Variants in CTDP1 observed in about 807,000 individuals in gnomAD.
The protein encoded by CTDP1 is CTD phosphatase 1.
CTDP1 carries 47 observed loss-of-function variants against 91.8 expected under a neutral mutation model. The observed-to-expected ratio is 0.51, with a 90% CI of 0.41 to 0.65. The LOEUF (loss-of-function observed/expected upper bound fraction) is 0.65. CTDP1 is among the 30% of genes least tolerant of loss of function. The probability of loss-of-function intolerance (pLI) is 0.00; values close to 1 mark genes in which losing one functional copy is unlikely to be tolerated. For missense variants in CTDP1, 1,272 were observed against 1,373.7 expected (o/e 0.93, Z 1.17); for synonymous variants, 656 against 598.5 (o/e 1.10, Z -1.40).
rs762854862 is a variant in CTDP1, at chr18:79,713,639, A to G, written c.1030+501A>G. Among the ~76,000 whole-genome samples, 8 of 152,196 alleles carry G rather than the reference A, an allele frequency of 5.3e-5. No individual in the cohort carries two copies. The highest frequency in any genetic ancestry group is 7.3e-5 in the Non-Finnish European group (5 of 68,030). On this transcript the variant is annotated intron_variant, in intron 7 of 12. Transcript: ENST00000613122. The surrounding 1 kb of genome is among the most constrained non-coding windows in gnomAD (Gnocchi z 4.7). ...GAAAGTTAAGTGTTTTTTGATCTTT[A>G]GTTTTTTGAAAAATATTTTGAGGCA... is the stretch of plus-strand genomic sequence containing the variant.
rs952770102 is a variant in CTDP1, at chr18:79,720,202, G to A, written c.2417+2186G>A. Among the ~76,000 whole-genome samples the A allele has an allele frequency of 6.5e-5, 9 of 138,320 alleles. No homozygotes were observed. In the South Asian group the frequency reaches 9.8e-4, roughly 15 times the overall value. The allele number at this position is 138,320 out of a possible 152,430, so 90.7% of individuals were successfully genotyped here. On this transcript the variant is annotated intron_variant, in intron 10 of 12. Transcript: ENST00000613122. ...CCTGGTGACGATGTCATCTCCTGTC[G>A]TTAGGAAGGCGTCCTGGTGATGCTG... is the stretch of plus-strand genomic sequence containing the variant.
rs1268091561 is a variant in CTDP1, at chr18:79,679,981, G to C, written c.34G>C (p.Glu12Gln). ...EVPAAGRVPAEGAPTAAVAEV... is the reference protein window; with the variant it reads ...EVPAAGRVPAQGAPTAAVAEV... ...GCCGGCCGCGGGTCGCGTTCCTGCC[G>C]AGGGCGCCCCGACGGCGGCTGTGGC... The change falls in exon 1 of 13, where the codon GAG becomes CAG. Residue 12 changes from glutamate (E) to glutamine (Q), a missense_variant. By Grantham distance (29) the Glu-to-Gln change is conservative. Around this residue, in one of 3 missense-constraint regions of CTDP1, gnomAD observed 214 missense variants for 179.1 expected, o/e 1.19. Transcript: ENST00000613122. 5 of 1,354,918 alleles carry C rather than the reference G, an allele frequency of 3.7e-6. No individual in the cohort carries two copies. Among genetic ancestry groups the C allele is most frequent in the Non-Finnish European group, 4.8e-6 (5 of 1,050,706 alleles). 83.9% of individuals were successfully genotyped at this position (1,354,918 alleles called of 1,614,324 possible).
intron 10 of CTDP1, among the ~76,000 whole-genome samples, chr18:79,719,199 GTT>G (rs552643203): frequency 2.0e-5 from 3 of 152,350 alleles, no homozygotes; most frequent in African/African-American, 7.2e-5. Context: ...CATAGATTGT[GTT>G]TTGTCTTTTA....
intron 10 of CTDP1, 97 bp downstream of exon 10, chr18:79,718,113 G>C: frequency 1.4e-6 from 2 of 1,435,634 alleles, no homozygotes; most frequent in Non-Finnish European, 1.9e-6. Context: ...CCCGAAGTGA[G>C]GGCGGGTGGA....
intron 10 of CTDP1, among the ~76,000 whole-genome samples, chr18:79,720,058 G>T (rs1462342329): frequency 6.7e-6 from 1 of 148,450 alleles, no homozygotes; most frequent in Non-Finnish European, 1.5e-5. Flanking sequence ...AAGGCGTCCT[G>T]GTGATGATGT....
rs188032538 is a variant in CTDP1, at chr18:79,694,775, C to T, written c.315-450C>T. On this transcript the variant is annotated intron_variant, in intron 1 of 12. Transcript: ENST00000613122. ...TAAAACAGTTTGTGTTTATATAAAA[C>T]GAACATTACAGTCATTTTGTCAGGA... 1.0e-3 allele frequency among the ~76,000 whole-genome samples: 152 copies of T among 152,318 alleles called. 1 individual carries two copies. The Middle Eastern group carries it at 0.01, about 10-fold the overall frequency.
chr18:79,706,922 T>C (rs1478483201), intron 5 of CTDP1, among the ~76,000 whole-genome samples: 1 of 152,242 alleles, frequency 6.6e-6, no homozygotes, highest in Admixed American at 6.5e-5. Context: ...TGATGTTTCT[T>C]CTCCTCCTGT....
chr18:79,723,306 T>C (rs1184569519), intron 10 of CTDP1, among the ~76,000 whole-genome samples: 1 of 152,114 alleles, frequency 6.6e-6, no homozygotes, highest in African/African-American at 2.4e-5. Context: ...AGGCCTCATA[T>C]GTTGTGTGCA....
chr18:79,701,050 A>G (rs1218817957), intron 4 of CTDP1, among the ~76,000 whole-genome samples: 2 of 152,188 alleles, frequency 1.3e-5, no homozygotes, highest in African/African-American at 4.8e-5. Context: ...AGAAAGAGAG[A>G]TTCTTCTAAG....
chr18:79,689,816 A>G (rs2085582921), intron 1 of CTDP1, among the ~76,000 whole-genome samples: 1 of 152,068 alleles, frequency 6.6e-6, no homozygotes, highest in Non-Finnish European at 1.5e-5. Flanking sequence ...GTGTAGGCTC[A>G]TGGTTTCTTA....
upstream of CTDP1, chr18:79,679,305 G>A (rs2085301661): frequency 2.4e-6 from 1 of 419,418 alleles, no homozygotes; most frequent in South Asian, 1.7e-5. Context: ...CACGAGGCGG[G>A]GCCACCAGGA....
At chr18:79,723,548 G>A (rs1228532120) in intron 10 of CTDP1, among the ~76,000 whole-genome samples, 1 of 152,186 alleles carries the variant, frequency 6.6e-6, no homozygotes, top group Non-Finnish European at 1.5e-5. Flanking sequence ...TGGCTCACTG[G>A]GGACCTGGGG....
At chr18:79,714,456 A>G in intron 7 of CTDP1, 35 bp from the exon 8 acceptor site, 2 of 1,607,796 alleles carry the variant, frequency 1.2e-6, no homozygotes, top group Admixed American at 1.7e-5. Flanking sequence ...TTAATGCTAA[A>G]TTGCGGTAAC....
intron 10 of CTDP1, among the ~76,000 whole-genome samples, chr18:79,727,121 G>T (rs937784077): frequency 2.6e-5 from 4 of 152,178 alleles, no homozygotes; most frequent in African/African-American, 9.7e-5. Context: ...GGGGTTGGAT[G>T]TCAGGCTCCT....
intron 12 of CTDP1, among the ~76,000 whole-genome samples, chr18:79,741,255 G>A (rs147659452): frequency 3.2e-4 from 48 of 151,222 alleles, no homozygotes; most frequent in African/African-American, 1.1e-3. Flanking sequence ...GCCTGTGGTT[G>A]GGTGAGGTCC....
Position 79,680,281 on chromosome 18 carries a change from C to T in CTDP1, c.314+20C>T. ...CCCAGGGTGAGTGTGCTGAGCCGGG[C>T]GGGGCCGAGGGCGGGCGGCTCCGGG... On this transcript the variant is annotated intron_variant, in intron 1 of 12. Transcript: ENST00000613122. 3 of 1,249,550 alleles carry T rather than the reference C, an allele frequency of 2.4e-6. No homozygotes were observed. Among genetic ancestry groups the T allele is most frequent in the Non-Finnish European group, 2.0e-6 (2 of 997,966 alleles). The allele number at this position is 1,249,550 out of a possible 1,614,324, so 77.4% of individuals were successfully genotyped here.
intron 5 of CTDP1, among the ~76,000 whole-genome samples, chr18:79,708,164 C>T (rs1361233434): frequency 6.6e-6 from 1 of 152,184 alleles, no homozygotes; most frequent in Admixed American, 6.5e-5. Context: ...GGTGGTGATG[C>T]TTCAGCCAGG....
At chr18:79,694,537 TG>T (rs1342033499) in intron 1 of CTDP1, among the ~76,000 whole-genome samples, 2 of 143,638 alleles carry the variant, frequency 1.4e-5, no homozygotes, top group Non-Finnish European at 3.0e-5. Flanking sequence ...GGTGGGAGTG[TG>T]GGGGCTGCGG....
At chr18:79,714,444 G>C in intron 7 of CTDP1, 47 bp from the exon 8 acceptor site, 1 of 1,597,442 alleles carries the variant, frequency 6.3e-7, no homozygotes, top group Non-Finnish European at 8.6e-7. Flanking sequence ...GTTATTTAAT[G>C]TTTAATGCTA....
Sources: gnomAD v4.1 joint callset for allele counts (sites outside exome capture counted in the v4.1 genomes callset) on GRCh38, gnomAD v4.1.1 for gene constraint, gnomAD v4.1.1 regional missense constraint, Gnocchi (gnomAD v3.1) non-coding constraint, MANE v1.5 for transcripts, NCBI Gene and HGNC (gene_info 2026-07-23, HGNC 2026-07-21) for gene names.